Variants in LRRC8C observed in about 807,000 individuals in gnomAD.
LRRC8C encodes volume-regulated anion channel subunit LRRC8C.
Under a neutral mutation model 55.3 loss-of-function variants are expected in LRRC8C, and 20 were observed. The observed-to-expected ratio is 0.36, with a 90% CI of 0.25 to 0.53. The LOEUF (loss-of-function observed/expected upper bound fraction) is 0.53. Ranked by LOEUF, LRRC8C falls within the 20% of genes least tolerant of loss-of-function variation. The pLI is 0.92. For synonymous variants in LRRC8C, 376 were observed against 360.7 expected, an observed-to-expected ratio of 1.04 and a Z score of -0.48; for missense variants, 659 against 951.4, an observed-to-expected ratio of 0.69 and a Z score of 4.04.
At chr1:89,662,422 TA>T (rs1657145207) in intron 1 of LRRC8C, among the ~76,000 whole-genome samples, 1 of 152,138 alleles carries the variant, frequency 6.6e-6, no homozygotes, top group African/African-American at 2.4e-5. Flanking sequence ...GGAGAATTAT[TA>T]GAGGATTTTG....
intron 2 of LRRC8C, among the ~76,000 whole-genome samples, chr1:89,689,232 G>T (rs562375203): frequency 1.3e-5 from 2 of 152,294 alleles, no homozygotes; most frequent in East Asian, 3.9e-4. Flanking sequence ...CAGGCCTGAA[G>T]CAGAATTACC....
rs554085091 is a variant in LRRC8C at position 89,713,515 on chromosome 1, G to T, written c.945G>T (p.Leu315Phe). ...CTTGCAATCATACCATGGCACACTT[G>T]TTCTCAAAACTGTCCTTTTGCTATC... is the stretch of plus-strand genomic sequence containing the variant. The part of the protein sequence containing the change: ...NFSCNHTMAH[L>F]FSKLSFCYLC... The change falls in exon 3 of 3, where the codon TTG becomes TTT. Residue 315 changes from leucine (L) to phenylalanine (F), a missense_variant. Physicochemically the swap from Leu to Phe is conservative, Grantham distance 22 (BLOSUM62 0). This residue lies in a region of LRRC8C where 200 missense variants were observed against 360.5 expected (regional missense o/e 0.55). Coordinates refer to ENST00000370454, the MANE Select transcript of LRRC8C (RefSeq NM_032270.5). The surrounding 1 kb of genome is among the most constrained non-coding windows in gnomAD (Gnocchi z 5.2). 6.2e-7 allele frequency: 1 copy of T among 1,614,092 alleles called. No individual in the cohort carries two copies. Among genetic ancestry groups the T allele is most frequent in the Non-Finnish European group, 8.5e-7 (1 of 1,180,016 alleles).
intron 1 of LRRC8C, among the ~76,000 whole-genome samples, chr1:89,681,930 C>T (rs926604257): frequency 7.2e-5 from 11 of 152,328 alleles, no homozygotes; most frequent in African/African-American, 2.6e-4. Flanking sequence ...GTAATCCCAG[C>T]ACTTTGGGAG....
chr1:89,649,494 C>T (rs1570694846), intron 1 of LRRC8C, among the ~76,000 whole-genome samples: 1 of 152,172 alleles, frequency 6.6e-6, no homozygotes, highest in South Asian at 2.1e-4. Flanking sequence ...GCATTTTTCC[C>T]CTCTTTTTGT....
At chr1:89,672,429 A>G (rs1657446881) in intron 1 of LRRC8C, among the ~76,000 whole-genome samples, 1 of 152,206 alleles carries the variant, frequency 6.6e-6, no homozygotes, top group Admixed American at 6.5e-5. Context: ...CACTTTATTC[A>G]CATTAACGAG....
At chr1:89,690,197 G>A (rs1657991269) in intron 2 of LRRC8C, among the ~76,000 whole-genome samples, 1 of 152,166 alleles carries the variant, frequency 6.6e-6, no homozygotes, top group African/African-American at 2.4e-5. Context: ...ACCAGAATGG[G>A]AATGATAGCT....
chr1:89,617,350 G>T, the LRRC8C span, among the ~76,000 whole-genome samples: 664 of 152,270 alleles, frequency 4.4e-3, 20 homozygotes, highest in Admixed American at 0.034. Context: ...CAGTCCAATT[G>T]CCTTGCCCTA....
intron 2 of LRRC8C, among the ~76,000 whole-genome samples, chr1:89,711,939 A>G (rs1412662858): frequency 2.6e-5 from 4 of 152,208 alleles, no homozygotes; most frequent in Non-Finnish European, 4.4e-5. Context: ...ATATGTGTAG[A>G]AAAAGAAGGG....
the LRRC8C span, among the ~76,000 whole-genome samples, chr1:89,621,343 C>T: frequency 7.7e-4 from 116 of 151,594 alleles, no homozygotes; most frequent in Admixed American, 9.2e-4. Flanking sequence ...GTGGCAGGCG[C>T]CTGTAGTCCC....
chr1:89,669,257 G>C (rs918203882), intron 1 of LRRC8C, among the ~76,000 whole-genome samples: 2 of 152,028 alleles, frequency 1.3e-5, no homozygotes, highest in Non-Finnish European at 2.9e-5. Context: ...AGAGAACACT[G>C]GTGGTTGCCA....
intron 1 of LRRC8C, among the ~76,000 whole-genome samples, chr1:89,648,319 G>A (rs1191759334): frequency 1.3e-5 from 2 of 152,026 alleles, no homozygotes; most frequent in African/African-American, 4.8e-5. Flanking sequence ...GCCTATAAGA[G>A]AAATACAACA....
intron 1 of LRRC8C, among the ~76,000 whole-genome samples, chr1:89,639,664 G>A (rs1251748801): frequency 2.6e-5 from 4 of 152,228 alleles, no homozygotes; most frequent in African/African-American, 9.7e-5. Flanking sequence ...ACTGCCACAA[G>A]GGCAGAGGCC....
rs1421197592 is a variant in LRRC8C, at chr1:89,685,135, G to A, written c.-4-1335G>A. Among the ~76,000 whole-genome samples the A allele has an allele frequency of 4.2e-5, 5 of 118,074 alleles. No individual in the cohort carries two copies. In the East Asian group the frequency reaches 1.5e-3, roughly 34 times the overall value. The allele number at this position is 118,074 out of a possible 152,430, so 77.5% of individuals were successfully genotyped here. A position where few individuals can be genotyped will look rare whatever the true frequency, so the allele number is the denominator to read the frequency against. ...TTTTTTTTTTTTTTTTTGAGACGGA[G>A]TCTCACTCTGTCGCCCAGCAGGCCG... is the stretch of plus-strand genomic sequence containing the variant. On this transcript the variant is annotated intron_variant, in intron 1 of 2. Coordinates refer to ENST00000370454, the MANE Select transcript of LRRC8C (RefSeq NM_032270.5).
chr1:89,675,021 C>G (rs1657514968), intron 1 of LRRC8C, among the ~76,000 whole-genome samples: 1 of 152,046 alleles, frequency 6.6e-6, no homozygotes, highest in Non-Finnish European at 1.5e-5. Flanking sequence ...AAGTGTTTGA[C>G]AAAAAGTTGC....
At chr1:89,672,618 G>T (rs1317019088) in intron 1 of LRRC8C, among the ~76,000 whole-genome samples, 1 of 152,056 alleles carries the variant, frequency 6.6e-6, no homozygotes, top group Non-Finnish European at 1.5e-5. Flanking sequence ...GAAACAGAAA[G>T]ACCAAGGATA....
At chr1:89,650,102 A>G (rs1427681818) in intron 1 of LRRC8C, among the ~76,000 whole-genome samples, 2 of 152,224 alleles carry the variant, frequency 1.3e-5, no homozygotes, top group African/African-American at 2.4e-5. Context: ...GAAACCTCTG[A>G]ACCCATTCCT....
At chr1:89,647,973 G>A (rs139037232) in intron 1 of LRRC8C, among the ~76,000 whole-genome samples, 2,263 of 152,308 alleles carry the variant, frequency 0.015, 56 homozygotes, top group African/African-American at 0.052. Context: ...GGAGGCTGAG[G>A]CGGGAGGATG....
intron 1 of LRRC8C, among the ~76,000 whole-genome samples, chr1:89,677,979 A>G (rs1238029064): frequency 1.3e-5 from 2 of 152,218 alleles, no homozygotes; most frequent in South Asian, 2.1e-4. Flanking sequence ...TTTGTTTTAC[A>G]ACTGATGTTT....
chr1:89,693,036 C>T (rs763117224), intron 2 of LRRC8C, among the ~76,000 whole-genome samples: 1 of 152,092 alleles, frequency 6.6e-6, no homozygotes, highest in Non-Finnish European at 1.5e-5. Context: ...AGGGGACCTG[C>T]CTTGTGATTG....
Sources: allele counts gnomAD v4.1 joint callset (sites outside exome capture counted in the v4.1 genomes callset), GRCh38; gene constraint gnomAD v4.1.1; regional missense constraint gnomAD v4.1.1; non-coding constraint Gnocchi (gnomAD v3.1); transcripts MANE v1.5; gene names NCBI Gene and HGNC (gene_info 2026-07-23, HGNC 2026-07-21).